NLRC5: variants seen among roughly 807,000 people sequenced by gnomAD.
NLRC5 encodes the protein protein NLRC5.
A neutral mutation model predicts 206.9 loss-of-function variants in NLRC5; 114 were observed. The observed-to-expected ratio is 0.55, with a 90% confidence interval of 0.47 to 0.64. The LOEUF (loss-of-function observed/expected upper bound fraction) is 0.64. Among genes scored for constraint, NLRC5 ranks in the 30% least tolerant of loss-of-function variants. The probability of loss-of-function intolerance (pLI) is 0.00; values close to 1 mark genes in which losing one functional copy is unlikely to be tolerated. For missense variants in NLRC5, 2,008 were observed against 2,305.5 expected (o/e 0.87, Z 2.64); for synonymous variants, 952 against 962.8 (o/e 0.99, Z 0.21).
chr16:57,007,499 G>T (rs1295184338), intron 1 of NLRC5, among the ~76,000 whole-genome samples: 1 of 152,044 alleles, frequency 6.6e-6, no homozygotes, highest in Non-Finnish European at 1.5e-5. Context: ...GAGGCAGGTA[G>T]ATCACCTGAG....
intron 39 of NLRC5, 102 bp from the exon 40 acceptor site, chr16:57,076,717 C>A: frequency 9.2e-7 from 1 of 1,081,528 alleles, no homozygotes; most frequent in Non-Finnish European, 1.4e-6. Context: ...CATATGAATT[C>A]CTGGGCGTGT....
rs1247557133 is a variant in NLRC5, at chr16:57,055,198, A to G, written c.3659+104A>G. 4.4e-5 allele frequency: 54 copies of G among 1,240,346 alleles called. No individual in the cohort carries two copies. The Admixed American group carries it at 9.4e-4, about 22-fold the overall frequency. The allele number at this position is 1,240,346 out of a possible 1,614,324, so 76.8% of individuals were successfully genotyped here. A position where few individuals can be genotyped will look rare whatever the true frequency, so the allele number is the denominator to read the frequency against. On this transcript the variant is annotated intron_variant, in intron 26 of 48. Coordinates refer to ENST00000688547, the MANE Select transcript of NLRC5 (RefSeq NM_001384950.1). ...GTATGCAGACTGCCTACCACAAAAC[A>G]TTCCCCTGGAACAACCCTGCAGAGG... is the stretch of plus-strand genomic sequence containing the variant.
At chr16:57,008,761 A>G (rs1266709445) in intron 1 of NLRC5, among the ~76,000 whole-genome samples, 2 of 152,206 alleles carry the variant, frequency 1.3e-5, no homozygotes, top group African/African-American at 2.4e-5. Flanking sequence ...GCAATGGCTT[A>G]AGCAATAAAG....
chr16:57,056,394 G>C (rs917350308), intron 27 of NLRC5, among the ~76,000 whole-genome samples: 3 of 151,598 alleles, frequency 2.0e-5, no homozygotes, highest in Admixed American at 6.6e-5. Context: ...GGGCTCAAGC[G>C]ATCCTCCCAC....
At chr16:57,005,826 C>T (rs763373362) in intron 1 of NLRC5, among the ~76,000 whole-genome samples, 18 of 151,426 alleles carry the variant, frequency 1.2e-4, no homozygotes, top group Non-Finnish European at 2.2e-4. Flanking sequence ...AAGCTGAGGT[C>T]GGGGAATCAT....
intron 12 of NLRC5, 60 bp downstream of exon 12, chr16:57,033,729 C>A: frequency 1.3e-6 from 2 of 1,491,966 alleles, no homozygotes. Flanking sequence ...AAGTCCGAGG[C>A]AAGGGAGAGC....
At chr16:57,022,400 G>C in intron 4 of NLRC5, 85 bp downstream of exon 4, 1 of 1,190,326 alleles carries the variant, frequency 8.4e-7, no homozygotes, top group South Asian at 1.3e-5. Context: ...TGTGGAGGCT[G>C]TGGTGGCTGG....
chr16:57,040,764 C>T (rs769380097), intron 17 of NLRC5, 46 bp downstream of exon 17: 1 of 1,575,358 alleles, frequency 6.3e-7, no homozygotes, highest in Non-Finnish European at 8.7e-7. Context: ...AGCCCCCTCC[C>T]TTCCCCTGCT....
chr16:57,066,535 A>T lies in NLRC5; in HGVS notation c.4243A>T (p.Ile1415Phe). ...QASGSVTEIS[I>F]SETQQQLCVQ... ...CGTTGGTTACTGCTCACTCCTCAGC[A>T]TCTCCGAGACCCAGCAGCAGCTCTG... The change falls in exon 34 of 49, where the codon ATC (isoleucine) becomes TTC (phenylalanine). Residue 1415 changes from isoleucine to phenylalanine, a missense_variant and splice_region_variant. Physicochemically the swap from Ile to Phe is conservative, Grantham distance 21. Coordinates refer to ENST00000688547, the MANE Select transcript of NLRC5 (RefSeq NM_001384950.1). The T allele has an allele frequency of 6.2e-7, 1 of 1,613,948 alleles. No homozygotes were observed. Among genetic ancestry groups the T allele is most frequent in the Non-Finnish European group, 8.5e-7 (1 of 1,179,980 alleles).
At chr16:56,996,495 CT>C (rs1420730121) in intron 1 of NLRC5, among the ~76,000 whole-genome samples, 2 of 152,046 alleles carry the variant, frequency 1.3e-5, no homozygotes, top group African/African-American at 4.8e-5. Flanking sequence ...CCTTGAGTTT[CT>C]TTTCGATGAT....
intron 32 of NLRC5, among the ~76,000 whole-genome samples, chr16:57,062,964 G>A (rs945811085): frequency 1.3e-5 from 2 of 151,228 alleles, no homozygotes; most frequent in Admixed American, 1.3e-4. Context: ...TCTATGAATT[G>A]GACTGCTCTA....
intron 32 of NLRC5, among the ~76,000 whole-genome samples, chr16:57,063,928 C>T (rs1378076116): frequency 4.0e-5 from 6 of 150,228 alleles, no homozygotes; most frequent in African/African-American, 1.2e-4. Context: ...TTAGTAGAGA[C>T]GGGGTTTCAC....
intron 37 of NLRC5, 59 bp downstream of exon 37, chr16:57,069,978 G>A (rs1312152334): frequency 1.4e-5 from 20 of 1,425,080 alleles, no homozygotes; most frequent in Non-Finnish European, 1.8e-5. Context: ...GAGGGGTGGA[G>A]AAGAGAGCAG....
rs1272248429 is a variant in NLRC5 at position 57,045,470 on chromosome 16, C to A, written c.3226C>A (p.Leu1076Met). 1.2e-6 allele frequency: 2 copies of A among 1,614,114 alleles called. No homozygotes were observed. The highest frequency in any genetic ancestry group is 3.3e-5 in the Admixed American group (2 of 60,024). ...CAGCTTTGAAAGCCAACACATCCTC[C>A]TGAGAGGGGACAAGACAAGCAGGTG... ...DISFESQHILLRGDKTSRDMW... is the reference protein window; with the variant it reads ...DISFESQHILMRGDKTSRDMW... Residue 1076 changes from leucine to methionine, a missense_variant, in exon 21 of 49, where the codon CTG becomes ATG. By Grantham distance (15) the Leu-to-Met change is conservative. Transcript: ENST00000688547.
At chr16:57,038,724 C>T (rs2062907427) in intron 15 of NLRC5, among the ~76,000 whole-genome samples, 1 of 151,886 alleles carries the variant, frequency 6.6e-6, no homozygotes, top group African/African-American at 2.4e-5. Context: ...CACCTGAGGT[C>T]AGGAGTTCAA....
chr16:57,053,403 G>A lies in NLRC5; in HGVS notation c.3507-1348G>A, dbSNP rs1273616900. Among the ~76,000 whole-genome samples, 12 of 152,184 alleles carry A rather than the reference G, an allele frequency of 7.9e-5. 1 individual carries two copies. The highest frequency in any genetic ancestry group is 2.9e-4 in the African/African-American group (12 of 41,452). ...CAGCCAGAGCACAGTGACTGGCAGGGACAGTCCTAGGAGAGGAGGAAGAGA... is the reference window on the plus strand; with the variant it reads ...CAGCCAGAGCACAGTGACTGGCAGGAACAGTCCTAGGAGAGGAGGAAGAGA... On this transcript the variant is annotated intron_variant, in intron 24 of 48. Coordinates refer to ENST00000688547, the MANE Select transcript of NLRC5 (RefSeq NM_001384950.1).
intron 29 of NLRC5, 54 bp downstream of exon 29, chr16:57,059,115 C>T: frequency 1.2e-6 from 2 of 1,612,472 alleles, no homozygotes; most frequent in Admixed American, 1.7e-5. Context: ...ACAGGTGCCC[C>T]TGGCTGATGA....
chr16:57,077,249 A>G (rs139583871), intron 40 of NLRC5, 47 bp from the exon 41 acceptor site: 7 of 1,559,028 alleles, frequency 4.5e-6, no homozygotes, highest in African/African-American at 2.7e-5. Context: ...TGGGGTGTGG[A>G]CAAGATGAGA....
At chr16:57,036,272 T>C in intron 14 of NLRC5, 89 bp downstream of exon 14, 1 of 1,209,294 alleles carries the variant, frequency 8.3e-7, no homozygotes, top group Non-Finnish European at 1.2e-6. Context: ...GTAAGGGTGC[T>C]GATCCACTGC....
Sources: allele counts gnomAD v4.1 joint callset (sites outside exome capture counted in the v4.1 genomes callset), GRCh38; gene constraint gnomAD v4.1.1; transcripts MANE v1.5; gene names NCBI Gene and HGNC (gene_info 2026-07-23, HGNC 2026-07-21).